STXBP5L: variants seen among roughly 807,000 people sequenced by gnomAD.
STXBP5L encodes syntaxin binding protein 5L.
A neutral mutation model predicts 144.5 loss-of-function variants in STXBP5L; 65 were observed. The ratio of observed to expected loss-of-function variants is 0.45; its 90% CI spans 0.37 to 0.55. The LOEUF is 0.55. Ranked by LOEUF, STXBP5L falls within the 20% of genes least tolerant of loss-of-function variation. STXBP5L has a pLI of 0.00. For synonymous variants in STXBP5L, 505 were observed against 469.6 expected (o/e 1.08, Z -0.97); for missense variants, 1,298 against 1,405.5 (o/e 0.92, Z 1.22).
intron 22 of STXBP5L, among the ~76,000 whole-genome samples, chr3:121,401,317 CT>C (rs1464069114): frequency 2.6e-5 from 4 of 152,138 alleles, no homozygotes; most frequent in African/African-American, 7.2e-5. Context: ...GCAACTAGCA[CT>C]TGTGGAAGTC....
chr3:121,140,966 A>G, intron 7 of STXBP5L, among the ~76,000 whole-genome samples: 1 of 152,328 alleles, frequency 6.6e-6, no homozygotes, highest in African/African-American at 2.4e-5. Flanking sequence ...TCCACAATGT[A>G]TATATATTTC....
intron 5 of STXBP5L, among the ~76,000 whole-genome samples, chr3:121,072,205 G>C (rs1174284589): frequency 6.6e-6 from 1 of 152,216 alleles, no homozygotes; most frequent in East Asian, 1.9e-4. Flanking sequence ...GGTAGGAAAT[G>C]CCTTCACCCA....
chr3:121,306,486 C>A (rs2043340879), intron 19 of STXBP5L, among the ~76,000 whole-genome samples: 1 of 152,082 alleles, frequency 6.6e-6, no homozygotes, highest in Admixed American at 6.6e-5. Flanking sequence ...GCTGAGAAGA[C>A]CAGAGGATAC....
Position 121,223,015 on chromosome 3 carries a change from A to C in STXBP5L, c.969A>C (p.Ile323=), listed in dbSNP as rs1198931495. 1.2e-6 allele frequency: 2 copies of C among 1,601,032 alleles called. No individual in the cohort carries two copies. Among genetic ancestry groups the C allele is most frequent in the Non-Finnish European group, 8.5e-7 (1 of 1,176,324 alleles). The part of the protein sequence containing the change: ...YKTCKNSEPF[I]IFSGGLSYDK... Reference sequence around the variant, plus strand: ...TTTTCCTATGTAGCGAACCATTCATAATATTCTCTGGTGGGCTGTCCTATG... The same window carrying C: ...TTTTCCTATGTAGCGAACCATTCATCATATTCTCTGGTGGGCTGTCCTATG... Residue 323 remains isoleucine (I), a synonymous_variant, in exon 11 of 27, where the codon ATA becomes ATC. Transcript: ENST00000471454.
intron 26 of STXBP5L, 38 bp downstream of exon 26, chr3:121,418,595 G>A: frequency 1.3e-6 from 2 of 1,593,460 alleles, no homozygotes. Flanking sequence ...CTTCATACAG[G>A]AGTAACTTTA....
chr3:121,408,021 A>C (rs1274624012), intron 23 of STXBP5L, among the ~76,000 whole-genome samples: 1 of 152,016 alleles, frequency 6.6e-6, no homozygotes, highest in African/African-American at 2.4e-5. Context: ...TTACATACAG[A>C]GTTTCATTTG....
At chr3:120,996,664 A>C (rs1340990113) in intron 3 of STXBP5L, among the ~76,000 whole-genome samples, 1 of 152,084 alleles carries the variant, frequency 6.6e-6, no homozygotes, top group Non-Finnish European at 1.5e-5. Flanking sequence ...TGCTCCTATG[A>C]ATTCAACTTT....
chr3:121,076,003 A>G (rs949605120), intron 5 of STXBP5L, among the ~76,000 whole-genome samples: 2 of 152,252 alleles, frequency 1.3e-5, no homozygotes, highest in Admixed American at 6.5e-5. Context: ...CATTAGATCT[A>G]TAAGAGCCTG....
At chr3:121,390,273 A>G (rs915132059) in intron 22 of STXBP5L, among the ~76,000 whole-genome samples, 8 of 152,030 alleles carry the variant, frequency 5.3e-5, no homozygotes, top group African/African-American at 1.9e-4. Context: ...CTTTGAGCCT[A>G]TGTGCGTCTT....
chr3:121,143,257 AC>A (rs1375394548), intron 7 of STXBP5L, among the ~76,000 whole-genome samples: 1 of 151,324 alleles, frequency 6.6e-6, no homozygotes, highest in Non-Finnish European at 1.5e-5. Flanking sequence ...AGTGAATTCT[AC>A]CAAAAATTTG....
chr3:121,007,042 C>A (rs1455379016), intron 3 of STXBP5L, among the ~76,000 whole-genome samples: 1 of 152,066 alleles, frequency 6.6e-6, no homozygotes, highest in Non-Finnish European at 1.5e-5. Flanking sequence ...AGTTGCTCTT[C>A]TTGAGGAGTA....
intron 19 of STXBP5L, among the ~76,000 whole-genome samples, chr3:121,286,015 C>T (rs9818116): frequency 0.099 from 15,107 of 152,146 alleles, 1,177 homozygotes; most frequent in Admixed American, 0.2. Flanking sequence ...AACAGTTCTA[C>T]TTATGATAAT....
intron 3 of STXBP5L, among the ~76,000 whole-genome samples, chr3:120,973,977 T>C (rs992052530): frequency 1.3e-5 from 2 of 152,222 alleles, no homozygotes; most frequent in African/African-American, 4.8e-5. Flanking sequence ...GTCTTTGCTA[T>C]TATGAATAGT....
At chr3:121,203,190 C>T (rs974515668) in intron 9 of STXBP5L, among the ~76,000 whole-genome samples, 1 of 152,132 alleles carries the variant, frequency 6.6e-6, no homozygotes, top group Middle Eastern at 3.4e-3. Context: ...TTGCTTTACA[C>T]TCATCACTCC....
intron 25 of STXBP5L, among the ~76,000 whole-genome samples, chr3:121,416,785 A>T (rs1218432886): frequency 2.0e-5 from 3 of 151,994 alleles, no homozygotes; most frequent in Non-Finnish European, 4.4e-5. Flanking sequence ...AATTACAGGC[A>T]TGAGCCACCA....
chr3:121,318,347 G>A (rs573020848), intron 19 of STXBP5L, 128 bp from the exon 20 acceptor site: 12 of 466,252 alleles, frequency 2.6e-5, no homozygotes, highest in Middle Eastern at 5.8e-4. Flanking sequence ...AATAATTGAC[G>A]TAACTTGGAC....
Position 121,089,496 on chromosome 3 carries a change from G to A in STXBP5L, c.471-25429G>A, listed in dbSNP as rs72970671. Among the ~76,000 whole-genome samples, 377 of 147,490 alleles carry A rather than the reference G, an allele frequency of 2.6e-3. 2 individuals carry two copies. The highest frequency in any genetic ancestry group is 8.8e-3 in the African/African-American group (354 of 40,078). On this transcript the variant is annotated intron_variant, in intron 5 of 26. Coordinates refer to ENST00000471454, the MANE Select transcript of STXBP5L (RefSeq NM_001308330.2). The stretch of plus-strand genomic sequence containing the variant: ...ATTGGAAATTTTCTCCCATAGTTAA[G>A]GTGTTGTTTTTTCTCTTGCTGCTTT...
intron 3 of STXBP5L, among the ~76,000 whole-genome samples, chr3:120,993,909 A>G (rs1263503583): frequency 6.6e-6 from 1 of 151,922 alleles, no homozygotes; most frequent in Non-Finnish European, 1.5e-5. Context: ...TTAGATAATA[A>G]TAATTCTTCC....
At chr3:121,191,932 A>G (rs1009354717) in intron 9 of STXBP5L, among the ~76,000 whole-genome samples, 4 of 140,350 alleles carry the variant, frequency 2.9e-5, no homozygotes, top group Non-Finnish European at 6.2e-5. Flanking sequence ...AACATCACAC[A>G]CAGGGGCCTG....
Sources: gnomAD v4.1 joint callset for allele counts (sites outside exome capture counted in the v4.1 genomes callset) on GRCh38, gnomAD v4.1.1 for gene constraint, MANE v1.5 for transcripts, NCBI Gene and HGNC (gene_info 2026-07-23, HGNC 2026-07-21) for gene names.